PDZD2: variants seen among roughly 807,000 people sequenced by gnomAD.
PDZD2 encodes PDZ domain containing 2, also known as PDZ domain-containing protein 2.
A neutral mutation model predicts 220.7 loss-of-function variants in PDZD2; 90 were observed. The observed-to-expected ratio is 0.41, with a 90% CI of 0.34 to 0.49. PDZD2 has a LOEUF of 0.49. Ranked by LOEUF, PDZD2 falls within the 20% of genes least tolerant of loss-of-function variation. The pLI is 0.28. For synonymous variants in PDZD2, 1,375 were observed against 1,450.5 expected (o/e 0.95, Z 1.18); for missense variants, 3,174 against 3,608.5 (o/e 0.88, Z 3.08).
intron 6 of PDZD2, among the ~76,000 whole-genome samples, chr5:32,031,609 G>T (rs762582143): frequency 6.6e-6 from 1 of 152,088 alleles, no homozygotes. Flanking sequence ...CTTTCCATAG[G>T]TATGAAGTTG....
chr5:31,715,079 A>G (rs966801329), intron 1 of PDZD2, among the ~76,000 whole-genome samples: 8 of 151,662 alleles, frequency 5.3e-5, no homozygotes, highest in African/African-American at 1.9e-4. Flanking sequence ...AAAAAGAAAG[A>G]AAGAAAATGC....
chr5:31,856,360 G>T (rs1758445065), intron 2 of PDZD2, among the ~76,000 whole-genome samples: 1 of 152,122 alleles, frequency 6.6e-6, no homozygotes, highest in African/African-American at 2.4e-5. Flanking sequence ...GGCCTCTGGG[G>T]AAAGAGGCCT....
intron 2 of PDZD2, among the ~76,000 whole-genome samples, chr5:31,829,586 G>A: frequency 6.6e-6 from 1 of 151,892 alleles, no homozygotes; most frequent in African/African-American, 2.4e-5. Context: ...CAAAGTGCCA[G>A]GATTACAGGC....
chr5:32,056,506 C>CA (rs1259967431), intron 10 of PDZD2, among the ~76,000 whole-genome samples: 19 of 152,076 alleles, frequency 1.2e-4, no homozygotes, highest in African/African-American at 4.6e-4. Context: ...ACTGTTATTC[C>CA]AAAAAAGCAG....
At position 31,725,637 on chromosome 5, in the gene PDZD2, T is replaced by G. The variant is rs1749077359; in HGVS notation, c.-360-73252T>G. ...TGGATCTAGGTGGTCCTTTTTTCCT[T>G]GATTCCTTTTCATATCTTGAGCCAG... On this transcript the variant is annotated intron_variant, in intron 1 of 24. Coordinates refer to ENST00000438447, the MANE Select transcript of PDZD2 (RefSeq NM_178140.4). 4 of 1,197,578 alleles carry G rather than the reference T, an allele frequency of 3.3e-6. No individual in the cohort carries two copies. The Admixed American group carries it at 6.8e-5, about 20-fold the overall frequency. 74.2% of individuals were successfully genotyped at this position (1,197,578 alleles called of 1,614,324 possible).
chr5:32,026,728 C>G (rs1207122566), intron 6 of PDZD2, among the ~76,000 whole-genome samples: 3 of 152,116 alleles, frequency 2.0e-5, no homozygotes, highest in Non-Finnish European at 4.4e-5. Flanking sequence ...GCTCCAGACC[C>G]CATAGTTTTC....
rs566976828 is a variant in PDZD2, at chr5:31,790,231, A to G, written c.-360-8658A>G. ...TCCTGCCTCAGCCTCCCGAGTAGCT[A>G]GGACTACAGGCACCCGCCACCATGC... On this transcript the variant is annotated intron_variant, in intron 1 of 24. Transcript: ENST00000438447. 6.4e-3 allele frequency among the ~76,000 whole-genome samples: 970 copies of G among 152,062 alleles called. 4 individuals are homozygous for G. Among genetic ancestry groups the G allele is most frequent in the Middle Eastern group, 0.014 (4 of 294 alleles).
At chr5:31,953,650 T>TAAA (rs1554013432) in intron 2 of PDZD2, among the ~76,000 whole-genome samples, 5 of 139,102 alleles carry the variant, frequency 3.6e-5, no homozygotes, top group Non-Finnish European at 6.1e-5. Context: ...CCCTGTCTCT[T>TAAA]AAAAAAAAAA....
chr5:31,846,743 C>A (rs1287729403), intron 2 of PDZD2, among the ~76,000 whole-genome samples: 3 of 152,196 alleles, frequency 2.0e-5, no homozygotes, highest in Admixed American at 2.0e-4. Flanking sequence ...GGTGCCACTG[C>A]TGGGCCTTGT....
chr5:31,879,493 A>T (rs778238701), intron 2 of PDZD2, among the ~76,000 whole-genome samples: 7 of 151,956 alleles, frequency 4.6e-5, no homozygotes, highest in Non-Finnish European at 8.8e-5. Flanking sequence ...GATTGAGAGT[A>T]ACTGTAAGTT....
chr5:31,881,537 C>T (rs1739926135), intron 2 of PDZD2, among the ~76,000 whole-genome samples: 1 of 151,576 alleles, frequency 6.6e-6, no homozygotes, highest in Non-Finnish European at 1.5e-5. Context: ...GCTACCATGC[C>T]TGGCAAATTT....
rs145022796 is a variant in PDZD2, at chr5:31,696,209, A to G, written c.-361+56772A>G. ...TGCACCTAGAGGGGTTCAATCAGTG[A>G]CTGATGAATGAATGAATGAGTGAGC... On this transcript the variant is annotated intron_variant, in intron 1 of 24. Coordinates refer to ENST00000438447, the MANE Select transcript of PDZD2 (RefSeq NM_178140.4). Among the ~76,000 whole-genome samples, 673 of 152,272 alleles carry G rather than the reference A, an allele frequency of 4.4e-3. 7 individuals carry two copies. The highest frequency in any genetic ancestry group is 0.015 in the African/African-American group (639 of 41,562).
At chr5:31,742,791 C>G (rs1355337293) in intron 1 of PDZD2, among the ~76,000 whole-genome samples, 1 of 152,202 alleles carries the variant, frequency 6.6e-6, no homozygotes, top group Non-Finnish European at 1.5e-5. Flanking sequence ...GCTTGTGATA[C>G]ACTTAGAACA....
chr5:32,044,588 C>T (rs953654684), intron 7 of PDZD2, among the ~76,000 whole-genome samples: 4 of 152,144 alleles, frequency 2.6e-5, no homozygotes, highest in South Asian at 2.1e-4. Context: ...TAATTCAATA[C>T]GTTTTTGGCA....
At chr5:31,833,797 A>G (rs1293770487) in intron 2 of PDZD2, among the ~76,000 whole-genome samples, 2 of 152,202 alleles carry the variant, frequency 1.3e-5, no homozygotes, top group African/African-American at 4.8e-5. Context: ...TCTGGTGACA[A>G]CCTCAACTGG....
intron 2 of PDZD2, among the ~76,000 whole-genome samples, chr5:31,857,193 C>CT (rs1247740418): frequency 2.0e-5 from 3 of 152,142 alleles, no homozygotes; most frequent in Admixed American, 1.3e-4. Flanking sequence ...ATTTTCAACT[C>CT]TTTGCACTTA....
chr5:31,923,181 G>A (rs557021993), intron 2 of PDZD2, among the ~76,000 whole-genome samples: 1 of 152,112 alleles, frequency 6.6e-6, no homozygotes, highest in Admixed American at 6.5e-5. Context: ...TGTAATCCCA[G>A]CTACTCAGGG....
chr5:32,081,757 T>C (rs1741978322), intron 19 of PDZD2, among the ~76,000 whole-genome samples: 2 of 152,246 alleles, frequency 1.3e-5, no homozygotes, highest in Non-Finnish European at 2.9e-5. Flanking sequence ...AGTCTTGCTC[T>C]GTTGCCCAGG....
At chr5:32,078,638 TAA>T (rs66500422) in intron 19 of PDZD2, among the ~76,000 whole-genome samples, 23 of 104,918 alleles carry the variant, frequency 2.2e-4, no homozygotes, top group African/African-American at 2.4e-4. Flanking sequence ...TCTCAAAAAT[TAA>T]AAAAAAAAAA....
Sources: gnomAD v4.1 joint callset for allele counts (sites outside exome capture counted in the v4.1 genomes callset) on GRCh38, gnomAD v4.1.1 for gene constraint, MANE v1.5 for transcripts, NCBI Gene and HGNC (gene_info 2026-07-23, HGNC 2026-07-21) for gene names.